SGPP2: variants seen among roughly 807,000 people sequenced by gnomAD.
The protein encoded by SGPP2 is sphingosine 1-phosphate phosphohydrolase 2.
In SGPP2, 30 loss-of-function variants were observed where a neutral mutation model predicts 33.9. The observed-to-expected ratio is 0.89, with a 90% CI of 0.66 to 1.20. The LOEUF (loss-of-function observed/expected upper bound fraction) is 1.20. Among genes scored for constraint, SGPP2 ranks in the 50% most tolerant of loss-of-function variants. SGPP2 has a pLI of 0.00. For synonymous variants in SGPP2, 233 were observed against 225.0 expected (o/e 1.04, Z -0.32); for missense variants, 458 against 532.1 (o/e 0.86, Z 1.37).
At position 222,558,522 on chromosome 2, in the gene SGPP2, C is replaced by T. The variant is rs768924813; in HGVS notation, c.824C>T (p.Ala275Val). ...TCTGATTACTACAGCCCAACCCGGGCGGACACCACCACCATTCTGGCTGCC... is the reference window on the plus strand; with the variant it reads ...TCTGATTACTACAGCCCAACCCGGGTGGACACCACCACCATTCTGGCTGCC... ...PVSDYYSPTR[A>V]DTTTILAAGA... The change falls in exon 5 of 5, where the codon GCG becomes GTG. Residue 275 changes from alanine (A) to valine (V), a missense_variant. Transcript: ENST00000321276. 5.6e-5 allele frequency: 90 copies of T among 1,614,062 alleles called. No individual in the cohort carries two copies. The highest frequency in any genetic ancestry group is 7.0e-5 in the Non-Finnish European group (83 of 1,180,044).
chr2:222,458,215 T>A (rs898534884), intron 1 of SGPP2, among the ~76,000 whole-genome samples: 7 of 64,758 alleles, frequency 1.1e-4, no homozygotes, highest in Non-Finnish European at 2.4e-4. Flanking sequence ...TGCCTAGCTA[T>A]TTTTTTTTTT....
At chr2:222,541,064 G>T (rs151311862) in intron 4 of SGPP2, among the ~76,000 whole-genome samples, 1 of 151,966 alleles carries the variant, frequency 6.6e-6, no homozygotes, top group Non-Finnish European at 1.5e-5. Context: ...TGATCCACCC[G>T]CCTCAGCCTT....
intron 2 of SGPP2, among the ~76,000 whole-genome samples, chr2:222,484,349 G>A (rs559700105): frequency 5.3e-5 from 8 of 152,246 alleles, no homozygotes; most frequent in East Asian, 3.9e-4. Context: ...GATAGAGCCC[G>A]TTGTTCCCCT....
chr2:222,523,098 C>T (rs1250276852), intron 3 of SGPP2, among the ~76,000 whole-genome samples: 1 of 152,212 alleles, frequency 6.6e-6, no homozygotes, highest in Non-Finnish European at 1.5e-5. Flanking sequence ...CCAGGTTATG[C>T]AGAAGCAGGA....
chr2:222,472,362 T>A (rs1697857646), intron 1 of SGPP2, among the ~76,000 whole-genome samples: 1 of 151,814 alleles, frequency 6.6e-6, no homozygotes. Context: ...AAGACGAGAG[T>A]TTATTACTCC....
At chr2:222,532,206 G>A (rs1698849101) in intron 4 of SGPP2, among the ~76,000 whole-genome samples, 2 of 152,112 alleles carry the variant, frequency 1.3e-5, no homozygotes, top group Admixed American at 6.5e-5. Context: ...CCTGGGAGGC[G>A]GAGTTTGCAG....
chr2:222,467,445 CTTA>C (rs1697763516), intron 1 of SGPP2, among the ~76,000 whole-genome samples: 1 of 152,138 alleles, frequency 6.6e-6, no homozygotes, highest in Admixed American at 6.5e-5. Context: ...GCTATGTACT[CTTA>C]TTATTCCCAT....
intron 1 of SGPP2, among the ~76,000 whole-genome samples, chr2:222,428,441 C>T (rs1212100094): frequency 6.6e-6 from 1 of 152,208 alleles, no homozygotes; most frequent in Non-Finnish European, 1.5e-5. Context: ...GCAGTGCCTT[C>T]CTCAGCAGTA....
At chr2:222,491,017 C>T (rs1196611996) in intron 2 of SGPP2, among the ~76,000 whole-genome samples, 1 of 152,116 alleles carries the variant, frequency 6.6e-6, no homozygotes, top group Non-Finnish European at 1.5e-5. Context: ...TGTGCTTGCC[C>T]AGTAGGATGA....
chr2:222,519,681 A>G (rs1698654591), intron 2 of SGPP2, among the ~76,000 whole-genome samples: 1 of 152,220 alleles, frequency 6.6e-6, no homozygotes, highest in Non-Finnish European at 1.5e-5. Flanking sequence ...CTCCCCGTCT[A>G]GTGGTCCACA....
chr2:222,502,607 A>G (rs1032638322), intron 2 of SGPP2, among the ~76,000 whole-genome samples: 1 of 152,338 alleles, frequency 6.6e-6, no homozygotes, highest in South Asian at 2.1e-4. Flanking sequence ...TGCTCAACCT[A>G]TATTTCTTTA....
rs534917239 is a variant in SGPP2, at chr2:222,468,966, G to C, written c.220-5602G>C. On this transcript the variant is annotated intron_variant, in intron 1 of 4. Transcript: ENST00000321276. ...CCTGAAAGGGAATATGGGGTTGGGA[G>C]CCTGAGATAATAAGGAGCCCTAGGA... Among the ~76,000 whole-genome samples, 3 of 152,244 alleles carry C rather than the reference G, an allele frequency of 2.0e-5. No homozygotes were observed. In the South Asian group the frequency reaches 6.2e-4, roughly 32 times the overall value.
rs1184439621 is a variant in SGPP2 at position 222,449,544 on chromosome 2, A to G, written c.219+24723A>G. Among the ~76,000 whole-genome samples, 25 of 148,396 alleles carry G rather than the reference A, an allele frequency of 1.7e-4. No homozygotes were observed. In the Admixed American group the frequency reaches 1.7e-3, roughly 10 times the overall value. On this transcript the variant is annotated intron_variant, in intron 1 of 4. Coordinates refer to ENST00000321276, the MANE Select transcript of SGPP2 (RefSeq NM_152386.4). The stretch of plus-strand genomic sequence containing the variant: ...GAGTGCAGTGGTGCGATCTCAACTC[A>G]CTGCAACCTCTGCCTCCCAAGTTCA...
intron 4 of SGPP2, among the ~76,000 whole-genome samples, chr2:222,547,666 C>A (rs527998156): frequency 6.6e-6 from 1 of 152,150 alleles, no homozygotes; most frequent in South Asian, 2.1e-4. Flanking sequence ...GCCTTACTTA[C>A]CTTTTAGCAA....
intron 2 of SGPP2, among the ~76,000 whole-genome samples, chr2:222,497,421 A>G (rs1304644659): frequency 6.6e-6 from 1 of 151,512 alleles, no homozygotes; most frequent in African/African-American, 2.4e-5. Context: ...TAATTTTTGT[A>G]TTTTTAGTAG....
At chr2:222,545,056 A>C (rs1689163285) in intron 4 of SGPP2, among the ~76,000 whole-genome samples, 1 of 152,174 alleles carries the variant, frequency 6.6e-6, no homozygotes, top group African/African-American at 2.4e-5. Flanking sequence ...ATGACTGAAC[A>C]AGTAATTTTT....
At chr2:222,547,515 A>T (rs1246143094) in intron 4 of SGPP2, among the ~76,000 whole-genome samples, 1 of 152,208 alleles carries the variant, frequency 6.6e-6, no homozygotes, top group Non-Finnish European at 1.5e-5. Flanking sequence ...TATATCCTAA[A>T]TCATGCTTCA....
intron 1 of SGPP2, among the ~76,000 whole-genome samples, chr2:222,470,876 G>A (rs1015583513): frequency 6.6e-6 from 1 of 152,154 alleles, no homozygotes; most frequent in African/African-American, 2.4e-5. Context: ...TTGTATATTT[G>A]TAAACAGAAC....
At chr2:222,432,438 G>A (rs1405048032) in intron 1 of SGPP2, among the ~76,000 whole-genome samples, 1 of 152,238 alleles carries the variant, frequency 6.6e-6, no homozygotes, top group Non-Finnish European at 1.5e-5. Flanking sequence ...AGCTGATTGA[G>A]CCAGGGCTCA....
Sources: allele counts gnomAD v4.1 joint callset (sites outside exome capture counted in the v4.1 genomes callset), GRCh38; gene constraint gnomAD v4.1.1; transcripts MANE v1.5; gene names NCBI Gene and HGNC (gene_info 2026-07-23, HGNC 2026-07-21).